Variants in RNASEH2B observed in about 807,000 individuals in gnomAD.
The protein encoded by RNASEH2B is Aicardi-Goutieres syndrome 2 protein.
RNASEH2B carries 36 observed loss-of-function variants against 45.0 expected under a neutral mutation model. The ratio of observed to expected loss-of-function variants is 0.80; its 90% CI spans 0.61 to 1.06. RNASEH2B has a LOEUF of 1.06. Among genes scored for constraint, RNASEH2B ranks in the 50% least tolerant of loss-of-function variants. The pLI is 0.00. For missense variants in RNASEH2B, 361 were observed against 360.3 expected, an observed-to-expected ratio of 1.00 and a Z score of -0.02; for synonymous variants, 119 against 125.7, an observed-to-expected ratio of 0.95 and a Z score of 0.35.
intron 1 of RNASEH2B, among the ~76,000 whole-genome samples, chr13:50,926,962 CATAAT>C (rs984590534): frequency 2.6e-5 from 4 of 152,116 alleles, no homozygotes; most frequent in African/African-American, 4.8e-5. Flanking sequence ...TTATAATACT[CATAAT>C]AATAGCTATC....
At chr13:50,966,453 C>A (rs1462963976) in intron 9 of RNASEH2B, among the ~76,000 whole-genome samples, 1 of 152,212 alleles carries the variant, frequency 6.6e-6, no homozygotes, top group African/African-American at 2.4e-5. Flanking sequence ...AACATTTCCA[C>A]AAACTGCAAA....
At chr13:50,915,700 C>T (rs990629856) in intron 1 of RNASEH2B, among the ~76,000 whole-genome samples, 4 of 152,194 alleles carry the variant, frequency 2.6e-5, no homozygotes, top group African/African-American at 9.6e-5. Flanking sequence ...GATTTCCAGG[C>T]CTTTATTCAG....
At chr13:50,914,423 C>A (rs1463690926) in intron 1 of RNASEH2B, among the ~76,000 whole-genome samples, 1 of 152,200 alleles carries the variant, frequency 6.6e-6, no homozygotes. Context: ...TAGACAACCT[C>A]GGAATAATTA....
chr13:50,921,714 C>G (rs2137906376), intron 1 of RNASEH2B, among the ~76,000 whole-genome samples: 1 of 152,250 alleles, frequency 6.6e-6, no homozygotes. Flanking sequence ...TCCACCCTCC[C>G]ATAAAAGCAA....
intron 9 of RNASEH2B, among the ~76,000 whole-genome samples, chr13:50,963,345 G>A (rs929585084): frequency 6.6e-6 from 1 of 151,840 alleles, no homozygotes; most frequent in Non-Finnish European, 1.5e-5. Flanking sequence ...TGTATTTTTA[G>A]TAGAGATGGG....
chr13:50,926,535 G>T (rs1475628404), intron 1 of RNASEH2B, among the ~76,000 whole-genome samples: 1 of 151,980 alleles, frequency 6.6e-6, no homozygotes, highest in Non-Finnish European at 1.5e-5. Context: ...GATGGTTTTG[G>T]TACAACTGGT....
intron 6 of RNASEH2B, among the ~76,000 whole-genome samples, chr13:50,944,166 T>G (rs1048648647): frequency 1.3e-5 from 2 of 152,122 alleles, no homozygotes; most frequent in Non-Finnish European, 2.9e-5. Context: ...GGTTGCTGTA[T>G]ATTTCTTACT....
At chr13:50,931,867 A>C (rs768146239) in intron 4 of RNASEH2B, among the ~76,000 whole-genome samples, 6 of 152,024 alleles carry the variant, frequency 3.9e-5, no homozygotes, top group Non-Finnish European at 8.8e-5. Flanking sequence ...TTACCAGTGT[A>C]TGATTTTGTA....
At chr13:50,960,426 T>C (rs535008903), downstream of RNASEH2B, among the ~76,000 whole-genome samples, 1 of 152,258 alleles carries the variant, frequency 6.6e-6, no homozygotes, top group South Asian at 2.1e-4. Context: ...AATTGGTGAT[T>C]TTATTGATGT....
chr13:50,932,947 T>A (rs1951699976), intron 4 of RNASEH2B, among the ~76,000 whole-genome samples: 1 of 152,226 alleles, frequency 6.6e-6, no homozygotes, highest in African/African-American at 2.4e-5. Flanking sequence ...CCCTTCACTG[T>A]GAATTAGTGA....
At chr13:50,959,370 C>G (rs1952086812), downstream of RNASEH2B, 1 of 151,824 alleles carries the variant, frequency 6.6e-6, no homozygotes, top group African/African-American at 2.4e-5. Context: ...AGATATTGTA[C>G]TTAGAAAGAT....
rs1364550699 is a variant in RNASEH2B at position 50,929,462 on chromosome 13, T to G, written c.137-13T>G. On this transcript the variant is annotated splice_polypyrimidine_tract_variant and intron_variant, in intron 2 of 10. Transcript: ENST00000336617. ...TGAAAACTTACAAATAAAAGACAGATTTGTCTTAACAGGAGAAGGAGCCAT... is the reference window on the plus strand; with the variant it reads ...TGAAAACTTACAAATAAAAGACAGAGTTGTCTTAACAGGAGAAGGAGCCAT... The G allele has an allele frequency of 2.1e-5, 33 of 1,561,766 alleles. No homozygotes were observed. The highest frequency in any genetic ancestry group is 2.7e-5 in the Non-Finnish European group (31 of 1,132,834).
At chr13:50,913,526 TAAAAC>T (rs1432210502) in intron 1 of RNASEH2B, among the ~76,000 whole-genome samples, 2 of 151,820 alleles carry the variant, frequency 1.3e-5, no homozygotes, top group African/African-American at 4.8e-5. Context: ...TCAGGCCTGT[TAAAAC>T]AAAACTCATT....
chr13:50,911,240 AAG>A (rs796525992), intron 1 of RNASEH2B: 25 of 152,344 alleles, frequency 1.6e-4, no homozygotes, highest in Middle Eastern at 6.8e-3. Flanking sequence ...CTGTTTGAAT[AAG>A]AGTGTACCCT....
intron 1 of RNASEH2B, among the ~76,000 whole-genome samples, chr13:50,916,863 A>G (rs934466976): frequency 6.6e-6 from 1 of 152,200 alleles, no homozygotes; most frequent in Non-Finnish European, 1.5e-5. Flanking sequence ...CCTCCCAGGA[A>G]GGAGCAGGGG....
intron 1 of RNASEH2B, among the ~76,000 whole-genome samples, chr13:50,916,936 CCTCT>C (rs1169357766): frequency 6.6e-6 from 1 of 152,292 alleles, no homozygotes; most frequent in Non-Finnish European, 1.5e-5. Context: ...AGGGTTTCTG[CCTCT>C]CTGAGTGTTA....
At chr13:50,918,263 G>C (rs889273607) in intron 1 of RNASEH2B, among the ~76,000 whole-genome samples, 1 of 151,976 alleles carries the variant, frequency 6.6e-6, no homozygotes, top group Non-Finnish European at 1.5e-5. Context: ...TCAGCCTCCC[G>C]AGTAGCTGGG....
At chr13:50,927,715 A>G (rs974629943) in intron 2 of RNASEH2B, among the ~76,000 whole-genome samples, 3 of 152,226 alleles carry the variant, frequency 2.0e-5, no homozygotes, top group Admixed American at 6.5e-5. Flanking sequence ...GCCATCAGAA[A>G]TACGGGCAAA....
intron 2 of RNASEH2B, among the ~76,000 whole-genome samples, chr13:50,928,860 A>G (rs1191108020): frequency 6.6e-6 from 1 of 151,826 alleles, no homozygotes; most frequent in Non-Finnish European, 1.5e-5. Flanking sequence ...TTAAAAAAAA[A>G]ATTTTTTTTT....
Sources: gnomAD v4.1 joint callset for allele counts (sites outside exome capture counted in the v4.1 genomes callset) on GRCh38, gnomAD v4.1.1 for gene constraint, MANE v1.5 for transcripts, NCBI Gene and HGNC (gene_info 2026-07-23, HGNC 2026-07-21) for gene names.